The following CMTM8 variants were observed in gnomAD, a reference collection of about 807,000 sequenced individuals.
CMTM8 encodes CKLF like MARVEL transmembrane domain containing 8.
In CMTM8, 12 loss-of-function variants were observed where a neutral mutation model predicts 18.6. That is an observed-to-expected ratio of 0.65 (90% CI 0.41 to 1.05). The LOEUF is 1.05. CMTM8 is among the 50% of genes least tolerant of loss of function. The probability of loss-of-function intolerance (pLI) is 0.00; values close to 1 mark genes in which losing one functional copy is unlikely to be tolerated. For missense variants in CMTM8, 217 were observed against 227.2 expected (o/e 0.95, Z 0.29); for synonymous variants, 87 against 90.6 (o/e 0.96, Z 0.23).
rs182852628 is a variant in CMTM8 at position 32,346,306 on chromosome 3, C to T, written c.148-11067C>T. The stretch of plus-strand genomic sequence containing the variant: ...CAGAGACAGCTACTCCGGCTTTACC[C>T]GTATCTATAGTTATAAATAATATGT... On this transcript the variant is annotated intron_variant, in intron 1 of 3. Transcript: ENST00000307526. Among the ~76,000 whole-genome samples, 382 of 152,284 alleles carry T rather than the reference C, an allele frequency of 2.5e-3. 5 individuals are homozygous for T. Among genetic ancestry groups the T allele is most frequent in the Non-Finnish European group, 4.4e-3 (297 of 68,036 alleles).
intron 1 of CMTM8, among the ~76,000 whole-genome samples, chr3:32,246,447 A>G (rs1361631413): frequency 6.6e-6 from 1 of 152,070 alleles, no homozygotes; most frequent in East Asian, 1.9e-4. Flanking sequence ...TTTGATAACT[A>G]TTCGCTCACC....
chr3:32,276,485 G>C (rs557810051), intron 1 of CMTM8, among the ~76,000 whole-genome samples: 2 of 152,288 alleles, frequency 1.3e-5, no homozygotes, highest in African/African-American at 4.8e-5. Context: ...CTTCATGCTG[G>C]CACTGCTTGG....
At position 32,370,011 on chromosome 3, in the gene CMTM8, C is replaced by T; in HGVS notation, c.*44C>T. The T allele has an allele frequency of 8.3e-7, 1 of 1,210,082 alleles. No homozygotes were observed. The highest frequency in any genetic ancestry group is 1.2e-6 in the Non-Finnish European group (1 of 838,256). 75.0% of individuals were successfully genotyped at this position (1,210,082 alleles called of 1,614,324 possible). On this transcript the variant is annotated 3_prime_UTR_variant, in exon 4 of 4. Transcript: ENST00000307526. ...AAAAGGAAAAAAAAAGGAAGACTCT[C>T]ACTGTAAAAACAGCTGTAGGTATAA... is the stretch of plus-strand genomic sequence containing the variant.
In CMTM8 at chr3:32,324,686, G is replaced by A. The variant is rs376013548; in HGVS notation, c.148-32687G>A. 7.2e-5 allele frequency among the ~76,000 whole-genome samples: 11 copies of A among 152,250 alleles called. No homozygotes were observed. The East Asian group carries it at 1.4e-3, about 19-fold the overall frequency. The stretch of plus-strand genomic sequence containing the variant: ...CTTACCCAGGAAGGAGCTCAGTGAT[G>A]TAGAGGAGGCAGAATTACCTACCAA... On this transcript the variant is annotated intron_variant, in intron 1 of 3. Coordinates refer to ENST00000307526, the MANE Select transcript of CMTM8 (RefSeq NM_178868.5).
intron 1 of CMTM8, among the ~76,000 whole-genome samples, chr3:32,286,382 G>A (rs776688151): frequency 1.3e-5 from 2 of 152,206 alleles, no homozygotes; most frequent in Non-Finnish European, 2.9e-5. Flanking sequence ...TTTGTGCACT[G>A]TGATGGGCAC....
intron 1 of CMTM8, among the ~76,000 whole-genome samples, chr3:32,263,370 C>A (rs1243649451): frequency 6.6e-6 from 1 of 152,240 alleles, no homozygotes. Flanking sequence ...CAAACTCCAA[C>A]AGACCTGCAG....
intron 1 of CMTM8, among the ~76,000 whole-genome samples, chr3:32,321,500 A>C (rs947937886): frequency 2.6e-5 from 4 of 151,892 alleles, no homozygotes; most frequent in African/African-American, 9.7e-5. Context: ...GACCCCCCAG[A>C]CTCCATTTGT....
chr3:32,272,972 G>C (rs1325831358), intron 1 of CMTM8, among the ~76,000 whole-genome samples: 1 of 152,124 alleles, frequency 6.6e-6, no homozygotes, highest in Non-Finnish European at 1.5e-5. Context: ...AAGATATACA[G>C]ACAGCCAATA....
At chr3:32,326,108 A>G (rs1292419150) in intron 1 of CMTM8, among the ~76,000 whole-genome samples, 6 of 152,178 alleles carry the variant, frequency 3.9e-5, no homozygotes, top group Non-Finnish European at 8.8e-5. Flanking sequence ...GGCCCTCCCC[A>G]CTATACCACT....
In CMTM8 at chr3:32,249,098, G is replaced by T. The variant is rs555771340; in HGVS notation, c.147+9979G>T. ...CGCTTTCGCCCAGGCCGCACTGCAG[G>T]CCTGGACTCCCAAAGGTAATGTGGA... On this transcript the variant is annotated intron_variant, in intron 1 of 3. Transcript: ENST00000307526. Among the ~76,000 whole-genome samples, 10 of 133,176 alleles carry T rather than the reference G, an allele frequency of 7.5e-5. No homozygotes were observed. The South Asian group carries it at 2.5e-3, about 33-fold the overall frequency. 87.4% of individuals were successfully genotyped at this position (133,176 alleles called of 152,430 possible). A position where few individuals can be genotyped will look rare whatever the true frequency, so the allele number is the denominator to read the frequency against.
intron 1 of CMTM8, among the ~76,000 whole-genome samples, chr3:32,282,517 C>A (rs1227575208): frequency 6.6e-6 from 1 of 152,114 alleles, no homozygotes; most frequent in African/African-American, 2.4e-5. Context: ...GTTATCAATT[C>A]TTACCACCTG....
intron 1 of CMTM8, among the ~76,000 whole-genome samples, chr3:32,317,779 G>GT (rs1167478471): frequency 6.6e-6 from 1 of 152,164 alleles, no homozygotes; most frequent in Non-Finnish European, 1.5e-5. Flanking sequence ...TAAGGGCCAG[G>GT]TGTGGTTGGC....
intron 1 of CMTM8, among the ~76,000 whole-genome samples, chr3:32,308,554 C>A (rs775756919): frequency 7.2e-5 from 11 of 152,110 alleles, no homozygotes; most frequent in Non-Finnish European, 1.3e-4. Flanking sequence ...GCTCTATCAT[C>A]GTTCATGAGT....
chr3:32,262,193 G>A (rs139688730), intron 1 of CMTM8, among the ~76,000 whole-genome samples: 83 of 152,256 alleles, frequency 5.5e-4, no homozygotes, highest in African/African-American at 1.8e-3. Context: ...ACCACGAAGC[G>A]AGGAATGGGA....
At chr3:32,361,286 G>GTTTTTTTTTGTTTTTTGTT (rs58364646) in intron 2 of CMTM8, among the ~76,000 whole-genome samples, 1 of 87,230 alleles carries the variant, frequency 1.1e-5, no homozygotes, top group Non-Finnish European at 2.4e-5. Flanking sequence ...CAGCCTAAGA[G>GTTTTTTTTTGTTTTTTGTT]TTTTTTTTTC....
chr3:32,314,257 T>C (rs1369010667), intron 1 of CMTM8, among the ~76,000 whole-genome samples: 2 of 152,288 alleles, frequency 1.3e-5, no homozygotes, highest in South Asian at 2.1e-4. Context: ...GTGGTTATTA[T>C]GACATGAGAG....
chr3:32,259,562 G>C, intron 1 of CMTM8: 1 of 840,964 alleles, frequency 1.2e-6, no homozygotes, highest in Non-Finnish European at 2.1e-6. Flanking sequence ...TCTCAAGAAG[G>C]AACTGCTCTT....
intron 1 of CMTM8, among the ~76,000 whole-genome samples, chr3:32,242,519 G>C (rs1701957122): frequency 1.3e-5 from 2 of 152,072 alleles, no homozygotes; most frequent in South Asian, 4.2e-4. Context: ...GTAGAGACAG[G>C]GTTTCGCCAT....
chr3:32,370,185 A>G lies in CMTM8; in HGVS notation c.*218A>G, dbSNP rs1224359938. 2 of 269,136 alleles carry G rather than the reference A, an allele frequency of 7.4e-6. No homozygotes were observed. The highest frequency in any genetic ancestry group is 4.4e-5 in the African/African-American group (2 of 45,536). The allele number at this position is 269,136 out of a possible 1,614,324, so 16.7% of individuals were successfully genotyped here. On this transcript the variant is annotated 3_prime_UTR_variant, in exon 4 of 4. Coordinates refer to ENST00000307526, the MANE Select transcript of CMTM8 (RefSeq NM_178868.5). ...GAACTCTTAAGTATCTTATTAATGT[A>G]TTAATGTCTTCATAGATCATATTTT...
Sources: gnomAD v4.1 joint callset for allele counts (sites outside exome capture counted in the v4.1 genomes callset) on GRCh38, gnomAD v4.1.1 for gene constraint, MANE v1.5 for transcripts, NCBI Gene and HGNC (gene_info 2026-07-23, HGNC 2026-07-21) for gene names.